DCLK2: variants seen among roughly 807,000 people sequenced by gnomAD.
DCLK2 encodes the protein doublecortin like kinase 2.
DCLK2 carries 31 observed loss-of-function variants against 78.4 expected under a neutral mutation model. The observed-to-expected ratio is 0.40, with a 90% CI of 0.30 to 0.53. DCLK2 has a LOEUF of 0.53. Ranked by LOEUF, DCLK2 falls within the 20% of genes least tolerant of loss-of-function variation. The pLI, the probability that DCLK2 is intolerant of heterozygous loss-of-function variation, is 0.61. For missense variants in DCLK2, 872 were observed against 973.7 expected (o/e 0.90, Z 1.39); for synonymous variants, 407 against 374.9 (o/e 1.09, Z -0.99).
At chr4:150,245,371 TTTG>T (rs1420368375) in intron 12 of DCLK2, among the ~76,000 whole-genome samples, 1 of 152,148 alleles carries the variant, frequency 6.6e-6, no homozygotes, top group Non-Finnish European at 1.5e-5. Flanking sequence ...CTTGCTTTTT[TTTG>T]TTGTTTTTAT....
intron 3 of DCLK2, among the ~76,000 whole-genome samples, chr4:150,193,910 C>A (rs1206827426): frequency 6.6e-6 from 1 of 151,922 alleles, no homozygotes; most frequent in Non-Finnish European, 1.5e-5. Flanking sequence ...AGTCACCATT[C>A]CTGGCTAATT....
At chr4:150,119,488 A>G (rs576373397) in intron 2 of DCLK2, among the ~76,000 whole-genome samples, 7 of 152,328 alleles carry the variant, frequency 4.6e-5, no homozygotes, top group East Asian at 3.9e-4. Context: ...CAGTATTTCT[A>G]TACCTGGGAA....
At chr4:150,254,530 G>A in intron 15 of DCLK2, 1 of 398,618 alleles carries the variant, frequency 2.5e-6, no homozygotes, top group East Asian at 3.6e-5. Flanking sequence ...CGGGGGGATT[G>A]TTTTCTTGTA....
chr4:150,121,457 G>T (rs1365341756), intron 2 of DCLK2, among the ~76,000 whole-genome samples: 1 of 152,202 alleles, frequency 6.6e-6, no homozygotes, highest in Non-Finnish European at 1.5e-5. Flanking sequence ...GTTTTATCAA[G>T]AGACTACAGC....
chr4:150,189,767 G>A (rs1454372535), intron 2 of DCLK2, among the ~76,000 whole-genome samples: 1 of 151,926 alleles, frequency 6.6e-6, no homozygotes, highest in African/African-American at 2.4e-5. Flanking sequence ...AGTTCCAATA[G>A]GAGAAGCCCA....
intron 3 of DCLK2, among the ~76,000 whole-genome samples, chr4:150,197,162 A>C (rs1027242171): frequency 6.6e-6 from 1 of 152,162 alleles, no homozygotes; most frequent in Non-Finnish European, 1.5e-5. Context: ...TCAAAAAAAA[A>C]AAAAAAAGAG....
chr4:150,249,216 C>G (rs1263279947), intron 14 of DCLK2, among the ~76,000 whole-genome samples: 5 of 152,052 alleles, frequency 3.3e-5, no homozygotes, highest in African/African-American at 1.2e-4. Context: ...AAACAATGAT[C>G]TTTGATGCTT....
chr4:150,162,230 C>G (rs574184556), intron 2 of DCLK2, among the ~76,000 whole-genome samples: 3 of 152,166 alleles, frequency 2.0e-5, no homozygotes, highest in East Asian at 3.9e-4. Flanking sequence ...TGGGATCTTG[C>G]TATGTTGCCC....
chr4:150,196,710 C>G (rs1367694295), intron 3 of DCLK2, among the ~76,000 whole-genome samples: 2 of 151,230 alleles, frequency 1.3e-5, no homozygotes, highest in African/African-American at 4.9e-5. Context: ...CCCTAGTTAA[C>G]AAATGTCAAA....
intron 7 of DCLK2, among the ~76,000 whole-genome samples, chr4:150,223,824 A>G (rs1043592210): frequency 1.3e-5 from 2 of 152,174 alleles, no homozygotes; most frequent in African/African-American, 4.8e-5. Context: ...GTGCCAGGAA[A>G]GAACATTTAA....
intron 3 of DCLK2, among the ~76,000 whole-genome samples, chr4:150,196,619 T>C (rs1339787250): frequency 1.3e-5 from 2 of 151,326 alleles, no homozygotes; most frequent in Admixed American, 6.6e-5. Flanking sequence ...TTAACTCTTA[T>C]AACAAGCCTA....
At chr4:150,167,291 A>G (rs1415642706) in intron 2 of DCLK2, among the ~76,000 whole-genome samples, 1 of 152,234 alleles carries the variant, frequency 6.6e-6, no homozygotes. Context: ...TGAAGGACAG[A>G]CTGTTTGTGA....
rs540978992 is a variant in DCLK2 at position 150,080,111 on chromosome 4, G to GCCC, written c.421+671_421+673dup. ...GGGTTAGGCGTCTGGAGTCTCAAAAGCCCCCCCCCCAGGTGATTCTAATGT... is the reference window on the plus strand; with the variant it reads ...GGGTTAGGCGTCTGGAGTCTCAAAAGCCCCCCCCCCCCCAGGTGATTCTAATGT... On this transcript the variant is annotated intron_variant, in intron 1 of 15. Coordinates refer to ENST00000296550, the MANE Select transcript of DCLK2 (RefSeq NM_001040260.4). Among the ~76,000 whole-genome samples the GCCC allele has an allele frequency of 5.8e-3, 752 of 129,574 alleles. 52 individuals are homozygous for GCCC. The highest frequency in any genetic ancestry group is 9.2e-3 in the Non-Finnish European group (517 of 55,906). 85.0% of individuals were successfully genotyped at this position (129,574 alleles called of 152,430 possible). A position where few individuals can be genotyped will look rare whatever the true frequency, so the allele number is the denominator to read the frequency against.
At chr4:150,123,925 A>G (rs1219381310) in intron 2 of DCLK2, among the ~76,000 whole-genome samples, 1 of 151,976 alleles carries the variant, frequency 6.6e-6, no homozygotes. Context: ...TTGTAGTCCC[A>G]GCTACTCGGG....
At chr4:150,119,722 A>G (rs910315996) in intron 2 of DCLK2, among the ~76,000 whole-genome samples, 1 of 152,126 alleles carries the variant, frequency 6.6e-6, no homozygotes, top group African/African-American at 2.4e-5. Flanking sequence ...ATACAGACCA[A>G]CTGACTCATC....
intron 2 of DCLK2, among the ~76,000 whole-genome samples, chr4:150,157,775 A>T (rs765086630): frequency 3.3e-5 from 5 of 152,138 alleles, no homozygotes; most frequent in Admixed American, 6.5e-5. Context: ...GGCCTTGCAA[A>T]GTCCTGGGAT....
intron 2 of DCLK2, among the ~76,000 whole-genome samples, chr4:150,156,788 TA>T (rs1735315173): frequency 1.5e-5 from 2 of 135,448 alleles, no homozygotes; most frequent in Non-Finnish European, 3.3e-5. Flanking sequence ...TTTATTTATT[TA>T]TTTTTTGAGA....
chr4:150,201,699 G>T (rs1560864513), intron 4 of DCLK2, among the ~76,000 whole-genome samples: 1 of 152,028 alleles, frequency 6.6e-6, no homozygotes, highest in Non-Finnish European at 1.5e-5. Context: ...TTCCAAGGTA[G>T]CCTTTGCTAT....
At chr4:150,121,067 G>A (rs559027987) in intron 2 of DCLK2, among the ~76,000 whole-genome samples, 1 of 151,586 alleles carries the variant, frequency 6.6e-6, no homozygotes, top group Non-Finnish European at 1.5e-5. Context: ...GTGAAACTTT[G>A]TCTAAAAAAA....
Sources: allele counts gnomAD v4.1 joint callset (sites outside exome capture counted in the v4.1 genomes callset), GRCh38; gene constraint gnomAD v4.1.1; transcripts MANE v1.5; gene names NCBI Gene and HGNC (gene_info 2026-07-23, HGNC 2026-07-21).